MAGEA11: variants seen among roughly 807,000 people sequenced by gnomAD.
The protein encoded by MAGEA11 is melanoma-associated antigen 11.
In MAGEA11, 1 loss-of-function variant was observed where a neutral mutation model predicts 8.4. The ratio of observed to expected loss-of-function variants is 0.12; its 90% CI spans 0.04 to 0.57. The LOEUF (loss-of-function observed/expected upper bound fraction) is 0.57, where lower values mean the gene tolerates loss of function less well. Ranked by LOEUF, MAGEA11 falls within the 20% of genes least tolerant of loss-of-function variation. The pLI is 0.91. For synonymous variants in MAGEA11, 127 were observed against 119.3 expected, an observed-to-expected ratio of 1.06 and a Z score of -0.42; for missense variants, 209 against 317.3, an observed-to-expected ratio of 0.66 and a Z score of 2.59.
In MAGEA11 at chrX:149,712,141, C is replaced by T; in HGVS notation, c.-39C>T. 1.3e-6 allele frequency: 1 copy of T among 752,618 alleles called. No individual in the cohort carries two copies. Among genetic ancestry groups the T allele is most frequent in the South Asian group, 6.8e-5 (1 of 14,719 alleles). The allele number at this position is 752,618 out of a possible 1,213,427, so 62.0% of individuals were successfully genotyped here. The stretch of plus-strand genomic sequence containing the variant: ...TTGAGAGTGGCAGAGGGCAGCGGGT[C>T]CAGGCTCCATGAGGAGGCAAGGTGA... On this transcript the variant is annotated 5_prime_UTR_variant, in exon 1 of 5. Transcript: ENST00000355220.
intron 1 of MAGEA11, among the ~76,000 whole-genome samples, chrX:149,699,797 G>A (rs2090344356): frequency 9.0e-6 from 1 of 111,204 alleles, no homozygotes; most frequent in Admixed American, 9.6e-5. Context: ...CCACTATAAA[G>A]AATATTACCT....
chrX:149,710,220 CAAG>C (rs2090393800), upstream of MAGEA11, among the ~76,000 whole-genome samples: 1 of 111,956 alleles, frequency 8.9e-6, no homozygotes. Context: ...AATTACCTAA[CAAG>C]AAGACTAACA....
At chrX:149,696,024 G>A (rs1476879500) in intron 1 of MAGEA11, among the ~76,000 whole-genome samples, 1 of 110,787 alleles carries the variant, frequency 9.0e-6, no homozygotes, top group African/African-American at 3.3e-5. Flanking sequence ...GACATGCACA[G>A]GAGTCTCCTG....
intron 3 of MAGEA11, 49 bp from the exon 4 acceptor site, chrX:149,715,555 C>A: frequency 1.0e-6 from 1 of 960,877 alleles, no homozygotes; most frequent in Non-Finnish European, 1.5e-6. Context: ...GAGCCTCCTG[C>A]TCTGATGTCC....
chrX:149,701,787 C>T (rs782723387), intron 1 of MAGEA11, among the ~76,000 whole-genome samples: 3 of 111,403 alleles, frequency 2.7e-5, no homozygotes, highest in South Asian at 3.8e-4. Context: ...CTACATATGG[C>T]TAGCCAGTTT....
At chrX:149,694,755 C>T (rs2090324096) in intron 1 of MAGEA11, among the ~76,000 whole-genome samples, 1 of 109,411 alleles carries the variant, frequency 9.1e-6, no homozygotes, top group Non-Finnish European at 1.9e-5. Flanking sequence ...AAGTGTCACC[C>T]TTGTTGCCCA....
At chrX:149,701,440 A>G (rs373183562) in intron 1 of MAGEA11, among the ~76,000 whole-genome samples, 156 of 107,703 alleles carry the variant, frequency 1.4e-3, no homozygotes, top group African/African-American at 4.5e-3. Flanking sequence ...AAATTTGTTT[A>G]AGTTCATTGT....
At chrX:149,688,479 A>T (rs1366458397), upstream of MAGEA11, among the ~76,000 whole-genome samples, 1 of 111,550 alleles carries the variant, frequency 9.0e-6, no homozygotes, top group Non-Finnish European at 1.9e-5. Flanking sequence ...ACAACAGAAG[A>T]CTGTCTTCCA....
At chrX:149,696,460 C>T (rs1329283336) in intron 1 of MAGEA11, among the ~76,000 whole-genome samples, 5 of 110,786 alleles carry the variant, frequency 4.5e-5, no homozygotes, top group South Asian at 3.9e-4. Flanking sequence ...TGTAAAGTCA[C>T]GCATGGGATG....
upstream of MAGEA11, among the ~76,000 whole-genome samples, chrX:149,709,144 G>A (rs2090389295): frequency 9.1e-6 from 1 of 109,783 alleles, no homozygotes; most frequent in African/African-American, 3.3e-5. Flanking sequence ...AATTAGCCGG[G>A]TGTGGTAGCG....
At chrX:149,714,866 G>T (rs782338049) in intron 3 of MAGEA11, among the ~76,000 whole-genome samples, 1 of 111,441 alleles carries the variant, frequency 9.0e-6, no homozygotes, top group East Asian at 2.8e-4. Context: ...TGCCCCTTCT[G>T]TCAGCTATGG....
chrX:149,691,179 A>C (rs782085047), intron 1 of MAGEA11, among the ~76,000 whole-genome samples: 1 of 110,284 alleles, frequency 9.1e-6, no homozygotes, highest in East Asian at 2.8e-4. Context: ...TTTTTAGTTT[A>C]TTAGATTTTG....
intron 1 of MAGEA11, among the ~76,000 whole-genome samples, chrX:149,691,464 ATAT>A (rs1417861490): frequency 8.9e-6 from 1 of 111,738 alleles, no homozygotes; most frequent in Non-Finnish European, 1.9e-5. Flanking sequence ...TTTCTATAAA[ATAT>A]TATTGGGATT....
At chrX:149,709,653 T>C (rs2090391246), upstream of MAGEA11, among the ~76,000 whole-genome samples, 1 of 112,301 alleles carries the variant, frequency 8.9e-6, no homozygotes, top group South Asian at 3.7e-4. Context: ...AAACGGGATA[T>C]ATCCAAAGAA....
chrX:149,695,708 A>C (rs1292272021), intron 1 of MAGEA11, among the ~76,000 whole-genome samples: 1 of 112,585 alleles, frequency 8.9e-6, no homozygotes, highest in African/African-American at 3.2e-5. Context: ...ACTATTTCAT[A>C]CTAACTACAA....
At chrX:149,707,075 C>G (rs1325261783), upstream of MAGEA11, among the ~76,000 whole-genome samples, 10 of 111,984 alleles carry the variant, frequency 8.9e-5, no homozygotes, top group African/African-American at 3.2e-4. Flanking sequence ...AGATGCTTAC[C>G]TGGTCCAGGA....
intron 1 of MAGEA11, among the ~76,000 whole-genome samples, chrX:149,697,330 C>G (rs2090333810): frequency 1.8e-5 from 2 of 111,512 alleles, no homozygotes; most frequent in Admixed American, 1.9e-4. Flanking sequence ...CCTCTCAGGG[C>G]TCCTCACAGA....
At chrX:149,693,644 A>G (rs1016294632) in intron 1 of MAGEA11, among the ~76,000 whole-genome samples, 1 of 112,204 alleles carries the variant, frequency 8.9e-6, no homozygotes, top group Admixed American at 9.5e-5. Flanking sequence ...TTAACTATTA[A>G]TAAGTTGTGC....
chrX:149,707,776 G>C, upstream of MAGEA11, among the ~76,000 whole-genome samples: 1 of 111,858 alleles, frequency 8.9e-6, no homozygotes, highest in Non-Finnish European at 1.9e-5. Flanking sequence ...TCTCCTCCCA[G>C]GTCAGTCCTC....
Sources: allele counts gnomAD v4.1 joint callset (sites outside exome capture counted in the v4.1 genomes callset), GRCh38; gene constraint gnomAD v4.1.1; transcripts MANE v1.5; gene names NCBI Gene and HGNC (gene_info 2026-07-23, HGNC 2026-07-21).